LDOC1: variants seen among roughly 807,000 people sequenced by gnomAD.
LDOC1 encodes protein LDOC1.
Under a neutral mutation model 4.9 loss-of-function variants are expected in LDOC1, and 1 was observed. That is an observed-to-expected ratio of 0.20 (90% CI 0.07 to 0.96). LDOC1 has a LOEUF of 0.96. Among genes scored for constraint, LDOC1 ranks in the 40% least tolerant of loss-of-function variants. The pLI, the probability that LDOC1 is intolerant of heterozygous loss-of-function variation, is 0.62. For missense variants in LDOC1, 76 were observed against 128.1 expected (o/e 0.59, Z 1.96); for synonymous variants, 55 against 58.3 (o/e 0.94, Z 0.26).
In LDOC1 at chrX:141,176,550, C is replaced by G. The variant is rs782304569; in HGVS notation, c.*31G>C. The G allele has an allele frequency of 8.5e-7, 1 of 1,172,781 alleles. No individual in the cohort carries two copies. Among genetic ancestry groups the G allele is most frequent in the African/African-American group, 1.8e-5 (1 of 56,609 alleles). The stretch of plus-strand genomic sequence containing the variant: ...GGGGAGGGGGTGGCGGCGTGCAGGG[C>G]CCTCCCCCCCGAGGCCCGAGGGTCG... On this transcript the variant is annotated 3_prime_UTR_variant, in exon 1 of 1. Coordinates refer to ENST00000370526, the MANE Select transcript of LDOC1 (RefSeq NM_012317.4).
At position 141,173,343 on chromosome X, in the gene LDOC1, A is replaced by C. The variant is rs1249175806; in HGVS notation, c.*3238T>G. The stretch of plus-strand genomic sequence containing the variant: ...CCATTTCAAGTCTATTACGCCCAAA[A>C]TGAGAATTCAGGGTCTAAGTTCATA... On this transcript the variant is annotated 3_prime_UTR_variant, in exon 1 of 1. Coordinates refer to ENST00000370526, the MANE Select transcript of LDOC1 (RefSeq NM_012317.4). 1 of 111,942 alleles carries C rather than the reference A, an allele frequency of 8.9e-6. No homozygotes were observed. Among genetic ancestry groups the C allele is most frequent in the Admixed American group, 9.5e-5 (1 of 10,563 alleles). The allele number at this position is 111,942 out of a possible 1,213,427, so 9.2% of individuals were successfully genotyped here. A position where few individuals can be genotyped will look rare whatever the true frequency, so the allele number is the denominator to read the frequency against.
chrX:141,173,653 C>T lies in LDOC1; in HGVS notation c.*2928G>A, dbSNP rs1163631445. 1 of 112,138 alleles carries T rather than the reference C, an allele frequency of 8.9e-6. No homozygotes were observed. The highest frequency in any genetic ancestry group is 1.9e-5 in the Non-Finnish European group (1 of 53,293). The allele number at this position is 112,138 out of a possible 1,213,427, so 9.2% of individuals were successfully genotyped here. On this transcript the variant is annotated 3_prime_UTR_variant, in exon 1 of 1. Transcript: ENST00000370526. ...CACACAGAGCACACACATACTGGGTCACAGCAAGCTCATGTGCACATGCAC... is the reference window on the plus strand; with the variant it reads ...CACACAGAGCACACACATACTGGGTTACAGCAAGCTCATGTGCACATGCAC...
chrX:141,175,684 T>C lies in LDOC1; in HGVS notation c.*897A>G, dbSNP rs936938848. The C allele has an allele frequency of 2.0e-4, 22 of 112,079 alleles. No individual in the cohort carries two copies. Among genetic ancestry groups the C allele is most frequent in the African/African-American group, 7.2e-4 (22 of 30,769 alleles). The allele number at this position is 112,079 out of a possible 1,213,427, so 9.2% of individuals were successfully genotyped here. ...TATTCCCTGATTTCCACGGGAATAA[T>C]GGTAGTCAGAGTGACAGTGGTAGAG... On this transcript the variant is annotated 3_prime_UTR_variant, in exon 1 of 1. Coordinates refer to ENST00000370526, the MANE Select transcript of LDOC1 (RefSeq NM_012317.4).
At position 141,176,577 on chromosome X, in the gene LDOC1, G is replaced by C; in HGVS notation, c.*4C>G. ...CTCCCCCCCGAGGCCCGAGGGTCGA[G>C]GGCCTAATAATCATCCTCCTCTTCT... On this transcript the variant is annotated 3_prime_UTR_variant, in exon 1 of 1. Transcript: ENST00000370526. The C allele has an allele frequency of 8.3e-7, 1 of 1,202,805 alleles. No individual in the cohort carries two copies. Among genetic ancestry groups the C allele is most frequent in the African/African-American group, 1.7e-5 (1 of 57,549 alleles).
rs1556282479 is a variant in LDOC1 at position 141,173,436 on chromosome X, T to C, written c.*3145A>G. 1 of 111,885 alleles carries C rather than the reference T, an allele frequency of 8.9e-6. No homozygotes were observed. The highest frequency in any genetic ancestry group is 2.8e-4 in the East Asian group (1 of 3,553). The allele number at this position is 111,885 out of a possible 1,213,427, so 9.2% of individuals were successfully genotyped here. A position where few individuals can be genotyped will look rare whatever the true frequency, so the allele number is the denominator to read the frequency against. On this transcript the variant is annotated 3_prime_UTR_variant, in exon 1 of 1. Coordinates refer to ENST00000370526, the MANE Select transcript of LDOC1 (RefSeq NM_012317.4). ...GTGGCACTTTTATCCTTAGACATAC[T>C]TCTACTTCTTCCTTCTTTTTTGCCA...
chrX:141,175,674 A>C lies in LDOC1; in HGVS notation c.*907T>G, dbSNP rs1209539140. ...GGATTGGTTGTATTCCCTGATTTCC[A>C]CGGGAATAATGGTAGTCAGAGTGAC... On this transcript the variant is annotated 3_prime_UTR_variant, in exon 1 of 1. Transcript: ENST00000370526. The C allele has an allele frequency of 8.9e-6, 1 of 112,086 alleles. No homozygotes were observed. Among genetic ancestry groups the C allele is most frequent in the African/African-American group, 3.2e-5 (1 of 30,781 alleles). 9.2% of individuals were successfully genotyped at this position (112,086 alleles called of 1,213,427 possible). A position where few individuals can be genotyped will look rare whatever the true frequency, so the allele number is the denominator to read the frequency against.
Position 141,177,120 on chromosome X carries a change from G to A in LDOC1, c.-99C>T, listed in dbSNP as rs1485315185. The A allele has an allele frequency of 1.0e-5, 4 of 386,511 alleles. No individual in the cohort carries two copies. The highest frequency in any genetic ancestry group is 1.6e-5 in the Non-Finnish European group (4 of 252,545). The allele number at this position is 386,511 out of a possible 1,213,427, so 31.9% of individuals were successfully genotyped here. On this transcript the variant is annotated 5_prime_UTR_variant, in exon 1 of 1. Coordinates refer to ENST00000370526, the MANE Select transcript of LDOC1 (RefSeq NM_012317.4). ...GTGCGTGTCCACGGAGGCGCTTGGT[G>A]GCCAGGGGCGGGGGGCGGGGGGCGG...
Position 141,176,827 on chromosome X carries a change from G to C in LDOC1, c.195C>G (p.Pro65=). Residue 65 remains proline, a synonymous_variant, in exon 1 of 1, where the codon CCC becomes CCG. Coordinates refer to ENST00000370526, the MANE Select transcript of LDOC1 (RefSeq NM_012317.4). ...ETFNGESSRL[P]EFIVQTASYM... The stretch of plus-strand genomic sequence containing the variant: ...AAGACGCCGTCTGCACGATAAACTC[G>C]GGGAGCCGGGAGCTCTCGCCATTAA... 1 of 1,211,835 alleles carries C rather than the reference G, an allele frequency of 8.3e-7. No individual in the cohort carries two copies. Among genetic ancestry groups the C allele is most frequent in the Non-Finnish European group, 1.1e-6 (1 of 895,535 alleles).
Position 141,176,771 on chromosome X carries a change from T to C in LDOC1, c.251A>G (p.Asn84Ser). Residue 84 changes from asparagine to serine, a missense_variant, in exon 1 of 1, where the codon AAC becomes AGC. By Grantham distance (46) the Asn-to-Ser change is conservative. Transcript: ENST00000370526. ...YMLVNENRFC[N>S]DAMKVAFLIS... ...TAGGAATGCCACCTTCATGGCGTCG[T>C]TGCAGAATCGGTTCTCGTTCACGAG... is the stretch of plus-strand genomic sequence containing the variant. The C allele has an allele frequency of 8.2e-7, 1 of 1,212,144 alleles. No homozygotes were observed. Among genetic ancestry groups the C allele is most frequent in the African/African-American group, 1.7e-5 (1 of 57,939 alleles).
rs782158976 is a variant in LDOC1 at position 141,175,272 on chromosome X, T to A, written c.*1309A>T. On this transcript the variant is annotated 3_prime_UTR_variant, in exon 1 of 1. Coordinates refer to ENST00000370526, the MANE Select transcript of LDOC1 (RefSeq NM_012317.4). Reference sequence around the variant, plus strand: ...TTAGCTGGAGCACCTGAAAGTGACATGTTGGCTATTTGGAGTTTGAAAGTG... The same window carrying A: ...TTAGCTGGAGCACCTGAAAGTGACAAGTTGGCTATTTGGAGTTTGAAAGTG... 4.5e-5 allele frequency among the ~76,000 whole-genome samples: 5 copies of A among 111,812 alleles called. No homozygotes were observed. The South Asian group carries it at 1.1e-3, about 25-fold the overall frequency.
rs782458774 is a variant in LDOC1, at chrX:141,176,602, T to TTCG, written c.417_419dup (p.Asp139dup). 8.3e-7 allele frequency: 1 copy of TTCG among 1,210,053 alleles called. No individual in the cohort carries two copies. Among genetic ancestry groups the TTCG allele is most frequent in the South Asian group, 1.8e-5 (1 of 56,855 alleles). On this transcript the variant is annotated inframe_insertion, in exon 1 of 1. Transcript: ENST00000370526. ...GGGCCTAATAATCATCCTCCTCTTC[T>TTCG]TCGTCGTCGTCGTCTTCGTCGTCAT...
rs1359346126 is a variant in LDOC1, at chrX:141,173,577, A to T, written c.*3004T>A. The T allele has an allele frequency of 2.7e-5, 3 of 111,652 alleles. No homozygotes were observed. Among genetic ancestry groups the T allele is most frequent in the African/African-American group, 9.8e-5 (3 of 30,644 alleles). 9.2% of individuals were successfully genotyped at this position (111,652 alleles called of 1,213,427 possible). ...CCAGAATCCCTTTTCTGCATCTCACAGCATAACCTGTTTGTCCATGATGTA... is the reference window on the plus strand; with the variant it reads ...CCAGAATCCCTTTTCTGCATCTCACTGCATAACCTGTTTGTCCATGATGTA... On this transcript the variant is annotated 3_prime_UTR_variant, in exon 1 of 1. Coordinates refer to ENST00000370526, the MANE Select transcript of LDOC1 (RefSeq NM_012317.4).
In LDOC1 at chrX:141,176,765, G is replaced by C; in HGVS notation, c.257C>G (p.Ala86Gly). The C allele has an allele frequency of 8.3e-7, 1 of 1,212,106 alleles. No individual in the cohort carries two copies. The highest frequency in any genetic ancestry group is 1.1e-6 in the Non-Finnish European group (1 of 895,570). ...LVNENRFCND[A>G]MKVAFLISLL... ...GCTGATTAGGAATGCCACCTTCATGGCGTCGTTGCAGAATCGGTTCTCGTT... is the reference window on the plus strand; with the variant it reads ...GCTGATTAGGAATGCCACCTTCATGCCGTCGTTGCAGAATCGGTTCTCGTT... Residue 86 changes from alanine to glycine, a missense_variant, in exon 1 of 1, where the codon GCC (alanine) becomes GGC (glycine). Coordinates refer to ENST00000370526, the MANE Select transcript of LDOC1 (RefSeq NM_012317.4).
Position 141,176,611 on chromosome X carries a change from G to A in LDOC1, c.411C>T (p.Asp137=), listed in dbSNP as rs782567405. ...AATCATCCTCCTCTTCTTCGTCGTC[G>A]TCGTCTTCGTCGTCATCCCAGCCAA... ...QCFGWDDDED[D]DDEEEEDDY is the part of the protein sequence containing the mutation. The change falls in exon 1 of 1, where the codon GAC becomes GAT. Residue 137 remains aspartate (D), a synonymous_variant. Transcript: ENST00000370526. 8.3e-7 allele frequency: 1 copy of A among 1,209,896 alleles called. No individual in the cohort carries two copies. The highest frequency in any genetic ancestry group is 2.3e-4 in the Middle Eastern group (1 of 4,345).
rs782453779 is a variant in LDOC1, at chrX:141,176,571, G to T, written c.*10C>A. The T allele has an allele frequency of 8.4e-7, 1 of 1,196,604 alleles. No individual in the cohort carries two copies. Among genetic ancestry groups the T allele is most frequent in the South Asian group, 1.8e-5 (1 of 55,833 alleles). Reference sequence around the variant, plus strand: ...AGGGCCCTCCCCCCCGAGGCCCGAGGGTCGAGGGCCTAATAATCATCCTCC... The same window carrying T: ...AGGGCCCTCCCCCCCGAGGCCCGAGTGTCGAGGGCCTAATAATCATCCTCC... On this transcript the variant is annotated 3_prime_UTR_variant, in exon 1 of 1. Coordinates refer to ENST00000370526, the MANE Select transcript of LDOC1 (RefSeq NM_012317.4).
chrX:141,176,471 AG>A lies in LDOC1; in HGVS notation c.*109del, dbSNP rs2013616287. The A allele has an allele frequency of 1.0e-6, 1 of 969,251 alleles. No homozygotes were observed. The highest frequency in any genetic ancestry group is 2.0e-5 in the African/African-American group (1 of 50,802). The allele number at this position is 969,251 out of a possible 1,213,427, so 79.9% of individuals were successfully genotyped here. The stretch of plus-strand genomic sequence containing the variant: ...GAGAGCAGACGGGCGCGGGTAGGTA[AG>A]GGGACCGGAGGGCAAGGGGGAGAGC... On this transcript the variant is annotated 3_prime_UTR_variant, in exon 1 of 1. Coordinates refer to ENST00000370526, the MANE Select transcript of LDOC1 (RefSeq NM_012317.4).
chrX:141,175,412 A>G lies in LDOC1; in HGVS notation c.*1169T>C, dbSNP rs782741825. On this transcript the variant is annotated 3_prime_UTR_variant, in exon 1 of 1. Coordinates refer to ENST00000370526, the MANE Select transcript of LDOC1 (RefSeq NM_012317.4). Reference sequence around the variant, plus strand: ...GTTAAGGAATCCAAAAGCTCAGAGAATTAGGAGCATTACATATATATGTCC... The same window carrying G: ...GTTAAGGAATCCAAAAGCTCAGAGAGTTAGGAGCATTACATATATATGTCC... 1.1e-3 allele frequency among the ~76,000 whole-genome samples: 126 copies of G among 112,304 alleles called. No homozygotes were observed. Among genetic ancestry groups the G allele is most frequent in the African/African-American group, 4.0e-3 (124 of 30,911 alleles).
At position 141,176,279 on chromosome X, in the gene LDOC1, G is replaced by A; in HGVS notation, c.*302C>T. 2.8e-6 allele frequency: 1 copy of A among 362,442 alleles called. No homozygotes were observed. Among genetic ancestry groups the A allele is most frequent in the South Asian group, 4.8e-5 (1 of 20,775 alleles). 29.9% of individuals were successfully genotyped at this position (362,442 alleles called of 1,213,427 possible). On this transcript the variant is annotated 3_prime_UTR_variant, in exon 1 of 1. Coordinates refer to ENST00000370526, the MANE Select transcript of LDOC1 (RefSeq NM_012317.4). ...AACAGGGGCCTGGCCAATAGCTGGG[G>A]TTCAGGACACAGTTCAGATTAGCAG...
rs781936294 is a variant in LDOC1 at position 141,176,554 on chromosome X, C to T, written c.*27G>A. 5.1e-6 allele frequency: 6 copies of T among 1,168,664 alleles called. No individual in the cohort carries two copies. The highest frequency in any genetic ancestry group is 6.9e-6 in the Non-Finnish European group (6 of 871,360). ...AGGGGGTGGCGGCGTGCAGGGCCCT[C>T]CCCCCCGAGGCCCGAGGGTCGAGGG... is the stretch of plus-strand genomic sequence containing the variant. On this transcript the variant is annotated 3_prime_UTR_variant, in exon 1 of 1. Transcript: ENST00000370526.
Sources: gnomAD v4.1 joint callset for allele counts (sites outside exome capture counted in the v4.1 genomes callset) on GRCh38, gnomAD v4.1.1 for gene constraint, MANE v1.5 for transcripts, NCBI Gene and HGNC (gene_info 2026-07-23, HGNC 2026-07-21) for gene names.